The following GAL3ST1 variants were observed in gnomAD, a reference collection of about 807,000 sequenced individuals.
The protein encoded by GAL3ST1 is galactose-3-O-sulfotransferase 1, also known as galactosylceramide sulfotransferase.
Under a neutral mutation model 25.0 loss-of-function variants are expected in GAL3ST1, and 13 were observed. That is an observed-to-expected ratio of 0.52 (90% CI 0.34 to 0.83). GAL3ST1 has a LOEUF of 0.83. Ranked by LOEUF, GAL3ST1 falls within the 40% of genes least tolerant of loss-of-function variation. GAL3ST1 has a pLI of 0.02. For missense variants in GAL3ST1, 474 were observed against 613.6 expected (o/e 0.77, Z 2.40); for synonymous variants, 274 against 277.8 (o/e 0.99, Z 0.14).
chr22:30,557,989 C>T (rs1159623528), intron 2 of GAL3ST1, among the ~76,000 whole-genome samples: 1 of 151,768 alleles, frequency 6.6e-6, no homozygotes, highest in Non-Finnish European at 1.5e-5. Context: ...AGTTTTGCCA[C>T]GTTGCCTAGG....
Position 30,555,916 on chromosome 22 carries a change from C to T in GAL3ST1, c.309G>A (p.Arg103=), listed in dbSNP as rs2146331766. Residue 103 remains arginine, a synonymous_variant, in exon 4 of 4, where the codon CGG becomes CGA. Transcript: ENST00000406361. This position sits in a 1 kb window ranked among gnomAD's most constrained non-coding sequence, Gnocchi z 8.6. Reference sequence around the variant, plus strand: ...GGCCGTTAGGGAAGGCGAACTTGAGCCGGTGCTTCTGGCCGAAGCGGAACA... The same window carrying T: ...GGCCGTTAGGGAAGGCGAACTTGAGTCGGTGCTTCTGGCCGAAGCGGAACA... ...NILFRFGQKH[R]LKFAFPNGRN... 1 of 1,614,178 alleles carries T rather than the reference C, an allele frequency of 6.2e-7. No individual in the cohort carries two copies. The highest frequency in any genetic ancestry group is 8.5e-7 in the Non-Finnish European group (1 of 1,180,024).
intron 1 of GAL3ST1, chr22:30,564,844 C>A (rs1601967658): frequency 1.3e-5 from 2 of 152,264 alleles, no homozygotes; most frequent in South Asian, 4.1e-4. Flanking sequence ...TGGCTGGCTG[C>A]CCCTTTCTAC....
intron 3 of GAL3ST1, 54 bp from the exon 4 acceptor site, chr22:30,556,147 G>A: frequency 1.5e-6 from 2 of 1,378,460 alleles, no homozygotes; most frequent in Non-Finnish European, 2.0e-6. Flanking sequence ...GGGCCCTCAG[G>A]ACTCTGGTAG....
chr22:30,572,388 C>T (rs182364887), intron 1 of GAL3ST1, among the ~76,000 whole-genome samples: 76 of 152,338 alleles, frequency 5.0e-4, no homozygotes, highest in Non-Finnish European at 1.0e-3. Context: ...CTGGCTCCAC[C>T]ACCCCCCAAG....
chr22:30,570,460 C>A (rs191462922), intron 1 of GAL3ST1, among the ~76,000 whole-genome samples: 37 of 152,284 alleles, frequency 2.4e-4, no homozygotes, highest in Middle Eastern at 6.8e-3. Flanking sequence ...GAGCCTTTAC[C>A]CCCATTTAGA....
chr22:30,569,407 T>A (rs1012131348), intron 1 of GAL3ST1, among the ~76,000 whole-genome samples: 2 of 150,908 alleles, frequency 1.3e-5, no homozygotes, highest in Non-Finnish European at 3.0e-5. Context: ...GAGGGAAGAG[T>A]TGCTGTTGGG....
chr22:30,569,659 C>T (rs1337151754), intron 1 of GAL3ST1, among the ~76,000 whole-genome samples: 1 of 152,028 alleles, frequency 6.6e-6, no homozygotes, highest in Non-Finnish European at 1.5e-5. Flanking sequence ...ATAGGAATAA[C>T]TAGAGTCACC....
intron 1 of GAL3ST1, among the ~76,000 whole-genome samples, chr22:30,559,860 C>T (rs1219724610): frequency 6.6e-6 from 1 of 152,252 alleles, no homozygotes; most frequent in Non-Finnish European, 1.5e-5. Context: ...ACTTTCTACT[C>T]TTGTCCCGAA....
intron 1 of GAL3ST1, among the ~76,000 whole-genome samples, chr22:30,559,453 A>T (rs112514152): frequency 6.6e-6 from 1 of 152,068 alleles, no homozygotes; most frequent in Non-Finnish European, 1.5e-5. Flanking sequence ...GTTGGCCAGG[A>T]TCATCTTGAT....
At chr22:30,572,557 C>A (rs1007958290) in intron 1 of GAL3ST1, 2 of 152,250 alleles carry the variant, frequency 1.3e-5, no homozygotes, top group Non-Finnish European at 2.9e-5. Context: ...TCCTAGATCC[C>A]ACCTGGTAGG....
rs762426923 is a variant in GAL3ST1 at position 30,555,382 on chromosome 22, G to A, written c.843C>T (p.Arg281=). The A allele has an allele frequency of 7.4e-5, 119 of 1,608,518 alleles. No individual in the cohort carries two copies. The highest frequency in any genetic ancestry group is 8.7e-5 in the Non-Finnish European group (103 of 1,179,852). ...EDVLYFKLNA[R]RDSPVPRLSG... ...AGAGCCGCGGCACGGGCGAGTCGCG[G>A]CGGGCGTTGAGCTTGAAGTAGAGCA... The change falls in exon 4 of 4, where the codon CGC becomes CGT. Residue 281 remains arginine (R), a synonymous_variant. Coordinates refer to ENST00000406361, the MANE Select transcript of GAL3ST1 (RefSeq NM_001318104.2). The surrounding 1 kb of genome is among the most constrained non-coding windows in gnomAD (Gnocchi z 8.6).
At chr22:30,570,439 C>T (rs2086746733) in intron 1 of GAL3ST1, among the ~76,000 whole-genome samples, 1 of 152,200 alleles carries the variant, frequency 6.6e-6, no homozygotes, top group Admixed American at 6.5e-5. Context: ...TCATTTCCTC[C>T]AGTGCTCACA....
chr22:30,563,912 T>C (rs2086534088), intron 1 of GAL3ST1, among the ~76,000 whole-genome samples: 2 of 86,406 alleles, frequency 2.3e-5, no homozygotes, highest in Admixed American at 2.5e-4. Context: ...CGAGACCCCG[T>C]CTCAAAAAAA....
chr22:30,574,624 C>CCCGCG lies in GAL3ST1; in HGVS notation c.-283_-279dup. On this transcript the variant is annotated 5_prime_UTR_variant, in exon 1 of 4. Transcript: ENST00000406361. ...CCGCCGCTGCCGCGCCGCGCCCGCT[C>CCCGCG]CCGCGCCGCGCCCGCTCCCGGCCAG... The CCCGCG allele has an allele frequency of 6.9e-6, 1 of 144,126 alleles. No homozygotes were observed. Among genetic ancestry groups the CCCGCG allele is most frequent in the Admixed American group, 6.9e-5 (1 of 14,556 alleles). The allele number at this position is 144,126 out of a possible 1,614,324, so 8.9% of individuals were successfully genotyped here.
rs1425757672 is a variant in GAL3ST1 at position 30,574,611 on chromosome 22, C to T, written c.-265G>A. ...GCCCCCGCCCCCGCCGCCGCTGCCG[C>T]GCCGCGCCCGCTCCCGCGCCGCGCC... On this transcript the variant is annotated 5_prime_UTR_variant, in exon 1 of 4. Coordinates refer to ENST00000406361, the MANE Select transcript of GAL3ST1 (RefSeq NM_001318104.2). 1 of 145,492 alleles carries T rather than the reference C, an allele frequency of 6.9e-6. No homozygotes were observed. The highest frequency in any genetic ancestry group is 2.5e-5 in the African/African-American group (1 of 40,136). The allele number at this position is 145,492 out of a possible 1,614,324, so 9.0% of individuals were successfully genotyped here.
chr22:30,557,318 G>C lies in GAL3ST1; in HGVS notation c.75C>G (p.Phe25Leu), dbSNP rs765213740. 1 of 1,614,224 alleles carries C rather than the reference G, an allele frequency of 6.2e-7. No homozygotes were observed. The highest frequency in any genetic ancestry group is 8.5e-7 in the Non-Finnish European group (1 of 1,180,010). The change falls in exon 3 of 4, where the codon TTC (phenylalanine) becomes TTG (leucine). Residue 25 changes from phenylalanine (F) to leucine (L), a missense_variant. Phe to Leu is a conservative substitution (Grantham distance 22, BLOSUM62 0). Coordinates refer to ENST00000406361, the MANE Select transcript of GAL3ST1 (RefSeq NM_001318104.2). Reference sequence around the variant, plus strand: ...CGGCATAGGAGTACACCAGCAGCAGGAAACTAGTGAAGAGCGCGCCCAGCA... The same window carrying C: ...CGGCATAGGAGTACACCAGCAGCAGCAAACTAGTGAAGAGCGCGCCCAGCA... ...GLVLGALFTS[F>L]LLLVYSYAVP... is the part of the protein sequence containing the mutation.
In GAL3ST1 at chr22:30,555,823, G is replaced by A. The variant is rs775561609; in HGVS notation, c.402C>T (p.Cys134=). The A allele has an allele frequency of 1.9e-4, 303 of 1,614,056 alleles. No homozygotes were observed. The highest frequency in any genetic ancestry group is 2.4e-4 in the Non-Finnish European group (278 of 1,180,034). ...SLVQDYRPGA[C]FNIICNHMRF... is the part of the protein sequence containing the mutation. ...GCATGTGGTTGCAGATGATGTTGAA[G>A]CAGGCCCCGGGCCGATAGTCCTGCA... Residue 134 remains cysteine, a synonymous_variant, in exon 4 of 4, where the codon TGC becomes TGT. Coordinates refer to ENST00000406361, the MANE Select transcript of GAL3ST1 (RefSeq NM_001318104.2). The surrounding 1 kb of genome is among the most constrained non-coding windows in gnomAD (Gnocchi z 8.6).
At chr22:30,567,663 GT>G (rs916050852) in intron 1 of GAL3ST1, among the ~76,000 whole-genome samples, 1 of 152,014 alleles carries the variant, frequency 6.6e-6, no homozygotes, top group African/African-American at 2.4e-5. Flanking sequence ...AGCCACGATA[GT>G]TTTTTGTTTG....
chr22:30,570,979 C>CAT (rs1251947704), intron 1 of GAL3ST1, among the ~76,000 whole-genome samples: 2 of 69,976 alleles, frequency 2.9e-5, no homozygotes, highest in South Asian at 4.6e-4. Context: ...TGTGATGATA[C>CAT]ACACACACAC....
Sources: gnomAD v4.1 joint callset for allele counts (sites outside exome capture counted in the v4.1 genomes callset) on GRCh38, gnomAD v4.1.1 for gene constraint, Gnocchi (gnomAD v3.1) non-coding constraint, MANE v1.5 for transcripts, NCBI Gene and HGNC (gene_info 2026-07-23, HGNC 2026-07-21) for gene names.